Variants in GPKOW observed in about 807,000 individuals in gnomAD.
GPKOW encodes G-patch domain and KOW motifs.
For synonymous variants in GPKOW, 167 were observed against 159.1 expected (o/e 1.05, Z -0.37); for missense variants, 359 against 404.7 (o/e 0.89, Z 0.97).
chrX:49,119,562 T>A, intron 4 of GPKOW, 143 bp downstream of exon 4: 1 of 423,611 alleles, frequency 2.4e-6, no homozygotes, highest in Admixed American at 4.6e-5. Context: ...TTTAAAACAG[T>A]AGTGGAAGGG....
At chrX:49,114,303 C>A (rs988058398) in intron 9 of GPKOW, among the ~76,000 whole-genome samples, 2 of 109,808 alleles carry the variant, frequency 1.8e-5, no homozygotes, top group African/African-American at 6.6e-5. Flanking sequence ...CTGCGTTTGG[C>A]TAATTTTGTA....
chrX:49,115,929 C>T lies in GPKOW; in HGVS notation c.1102G>A (p.Asp368Asn). The change falls in exon 8 of 11, where the codon GAC becomes AAC. Residue 368 changes from aspartate to asparagine, a missense_variant. By Grantham distance (23) the Asp-to-Asn change is conservative. Coordinates refer to ENST00000156109, the MANE Select transcript of GPKOW (RefSeq NM_015698.6). Reference sequence around the variant, plus strand: ...TATTGGCCTCCTTTGTACATGTTGTCCACAAACCGCACACGCAGGTCCCTG... The same window carrying T: ...TATTGGCCTCCTTTGTACATGTTGTTCACAAACCGCACACGCAGGTCCCTG... ...LHRDLRVRFV[D>N]NMYKGGQYYN... The T allele has an allele frequency of 8.3e-7, 1 of 1,210,647 alleles. No homozygotes were observed.
At chrX:49,121,600 G>A (rs1404771984) in intron 3 of GPKOW, among the ~76,000 whole-genome samples, 2 of 110,643 alleles carry the variant, frequency 1.8e-5, no homozygotes, top group African/African-American at 6.6e-5. Flanking sequence ...TCAGGTCTGT[G>A]GGTATGAAAG....
intron 4 of GPKOW, among the ~76,000 whole-genome samples, chrX:49,118,724 C>G: frequency 1.5e-5 from 1 of 65,745 alleles, no homozygotes; most frequent in Non-Finnish European, 2.5e-5. Flanking sequence ...GGGTGACAGA[C>G]AGAGACTCCA....
chrX:49,114,017 G>T, intron 9 of GPKOW, 79 bp from the exon 10 acceptor site: 1 of 676,914 alleles, frequency 1.5e-6, no homozygotes, highest in East Asian at 3.2e-5. Context: ...GCCTTTCCTG[G>T]CCAGGCGTGG....
In GPKOW at chrX:49,123,609, G is replaced by A. The variant is rs2065221203; in HGVS notation, c.114C>T (p.Gly38=). The change falls in exon 1 of 11, where the codon GGC becomes GGT. Residue 38 remains glycine (G), a synonymous_variant. Coordinates refer to ENST00000156109, the MANE Select transcript of GPKOW (RefSeq NM_015698.6). ...ARRRLADSGD[G]AGPSPEEKDF... Reference sequence around the variant, plus strand: ...CCTTCTCCTCCGGAGATGGCCCCGCGCCGTCTCCCGAGTCGGCCAGCCGCC... The same window carrying A: ...CCTTCTCCTCCGGAGATGGCCCCGCACCGTCTCCCGAGTCGGCCAGCCGCC... The A allele has an allele frequency of 2.5e-6, 3 of 1,208,734 alleles. No individual in the cohort carries two copies. Among genetic ancestry groups the A allele is most frequent in the Non-Finnish European group, 3.4e-6 (3 of 893,938 alleles).
At position 49,113,829 on chromosome X, in the gene GPKOW, T is replaced by C. The variant is rs943812019; in HGVS notation, c.1296+24A>G. ...ACAGGCCCTGAACGACCCACAAACC[T>C]CTACTGCCAGGTCTGAGACTCACCC... On this transcript the variant is annotated intron_variant, in intron 10 of 10. Coordinates refer to ENST00000156109, the MANE Select transcript of GPKOW (RefSeq NM_015698.6). 5.8e-6 allele frequency: 7 copies of C among 1,198,755 alleles called. No individual in the cohort carries two copies. The Admixed American group carries it at 1.1e-4, about 19-fold the overall frequency.
At chrX:49,116,169 G>A in intron 7 of GPKOW, 52 bp downstream of exon 7, 1 of 1,096,167 alleles carries the variant, frequency 9.1e-7, no homozygotes. Context: ...GGCTGCTCGA[G>A]CCTACCCACA....
chrX:49,118,377 C>G (rs1487108388), intron 4 of GPKOW, among the ~76,000 whole-genome samples: 2 of 111,400 alleles, frequency 1.8e-5, no homozygotes, highest in Non-Finnish European at 3.8e-5. Flanking sequence ...ATCGCTGTAA[C>G]CAAATATACT....
chrX:49,115,881 G>A lies in GPKOW; in HGVS notation c.1140+10C>T. 1 of 1,210,795 alleles carries A rather than the reference G, an allele frequency of 8.3e-7. No homozygotes were observed. Among genetic ancestry groups the A allele is most frequent in the African/African-American group, 1.7e-5 (1 of 57,895 alleles). ...GAGAGGGAGGGGGACTCAGGCTGCA[G>A]GGTTCCCACCTTGGTGTTGTAATAT... On this transcript the variant is annotated intron_variant, in intron 8 of 10. Coordinates refer to ENST00000156109, the MANE Select transcript of GPKOW (RefSeq NM_015698.6).
chrX:49,122,572 C>A (rs2065217373), intron 2 of GPKOW, 50 bp from the exon 3 acceptor site: 2 of 1,202,564 alleles, frequency 1.7e-6, no homozygotes, highest in Non-Finnish European at 2.3e-6. Context: ...ATCCTTCCAC[C>A]TTCTTCCTCT....
In GPKOW at chrX:49,116,373, G is replaced by A. The variant is rs781964874; in HGVS notation, c.914-50C>T. Reference sequence around the variant, plus strand: ...TGGCCTGTTCAAGAGGTTATGAGGAGAACCAGGACAGAGCCTCAGTGTCTC... The same window carrying A: ...TGGCCTGTTCAAGAGGTTATGAGGAAAACCAGGACAGAGCCTCAGTGTCTC... On this transcript the variant is annotated intron_variant, in intron 6 of 10. Transcript: ENST00000156109. 12 of 819,963 alleles carry A rather than the reference G, an allele frequency of 1.5e-5. No individual in the cohort carries two copies. The East Asian group carries it at 3.8e-4, about 26-fold the overall frequency. 67.6% of individuals were successfully genotyped at this position (819,963 alleles called of 1,213,427 possible).
rs1602562420 is a variant in GPKOW at position 49,116,242 on chromosome X, T to C, written c.995A>G (p.Lys332Arg). The C allele has an allele frequency of 8.3e-7, 1 of 1,200,235 alleles. No homozygotes were observed. Among genetic ancestry groups the C allele is most frequent in the Admixed American group, 2.2e-5 (1 of 45,638 alleles). ...LYIQQDNSER[K>R]RKHLPDRQDG... ...CCACCGGTCTGGAAGGTGTTTCCGC[T>C]TCCTCTCTGAGTTGTCCTGCTGGAT... The change falls in exon 7 of 11, where the codon AAG becomes AGG. Residue 332 changes from lysine to arginine, a missense_variant. By Grantham distance (26) the Lys-to-Arg change is conservative (BLOSUM62 2). Transcript: ENST00000156109.
At chrX:49,120,295 A>G (rs1488702501) in intron 3 of GPKOW, among the ~76,000 whole-genome samples, 1 of 112,079 alleles carries the variant, frequency 8.9e-6, no homozygotes, top group Admixed American at 9.6e-5. Flanking sequence ...AGCTGAAAGC[A>G]TAGTAACAGC....
intron 7 of GPKOW, 30 bp downstream of exon 7, chrX:49,116,191 T>C: frequency 1.8e-6 from 2 of 1,127,020 alleles, no homozygotes; most frequent in Non-Finnish European, 2.4e-6. Context: ...CCCTGCCTTC[T>C]TGACCCCTCC....
In GPKOW at chrX:49,119,648, G is replaced by A. The variant is rs1223051686; in HGVS notation, c.566+57C>T. The A allele has an allele frequency of 8.3e-6, 6 of 719,226 alleles. No homozygotes were observed. The African/African-American group carries it at 1.2e-4, about 15-fold the overall frequency. 59.3% of individuals were successfully genotyped at this position (719,226 alleles called of 1,213,427 possible). ...GTTCTGGTTTGGCAGTGACCCTGGG[G>A]ATCTTGATTGCAGCCTGATGATCTG... On this transcript the variant is annotated intron_variant, in intron 4 of 10. Coordinates refer to ENST00000156109, the MANE Select transcript of GPKOW (RefSeq NM_015698.6).
rs1356407719 is a variant in GPKOW, at chrX:49,122,483, A to G, written c.371T>C (p.Val124Ala). 1 of 1,202,473 alleles carries G rather than the reference A, an allele frequency of 8.3e-7. No individual in the cohort carries two copies. Among genetic ancestry groups the G allele is most frequent in the East Asian group, 3.0e-5 (1 of 33,726 alleles). ...KSLEERENAG[V>A]DPTLAIPMIQ... ...CATGGGGATAGCGAGCGTGGGGTCGACACCCGCATTCTCTCTCTCTTCCAG... is the reference window on the plus strand; with the variant it reads ...CATGGGGATAGCGAGCGTGGGGTCGGCACCCGCATTCTCTCTCTCTTCCAG... The change falls in exon 3 of 11, where the codon GTC (valine) becomes GCC (alanine). Residue 124 changes from valine (V) to alanine (A), a missense_variant. Coordinates refer to ENST00000156109, the MANE Select transcript of GPKOW (RefSeq NM_015698.6).
intron 4 of GPKOW, among the ~76,000 whole-genome samples, chrX:49,118,156 G>C (rs2065200695): frequency 9.1e-6 from 1 of 109,544 alleles, no homozygotes; most frequent in African/African-American, 3.3e-5. Flanking sequence ...CCTGACCTCA[G>C]GTGATCCGTC....
In GPKOW at chrX:49,122,382, C is replaced by A; in HGVS notation, c.456+16G>T. 8.9e-7 allele frequency: 1 copy of A among 1,127,513 alleles called. No homozygotes were observed. Among genetic ancestry groups the A allele is most frequent in the Non-Finnish European group, 1.2e-6 (1 of 853,640 alleles). 92.9% of individuals were successfully genotyped at this position (1,127,513 alleles called of 1,213,427 possible). On this transcript the variant is annotated intron_variant, in intron 3 of 10. Coordinates refer to ENST00000156109, the MANE Select transcript of GPKOW (RefSeq NM_015698.6). ...AAGAAAGGCTGGGGCAGGAGGGGGA[C>A]AAGGGGCCAGCTCACTGTCTCTGCC...
Sources: allele counts gnomAD v4.1 joint callset (sites outside exome capture counted in the v4.1 genomes callset), GRCh38; gene constraint gnomAD v4.1.1; transcripts MANE v1.5; gene names NCBI Gene and HGNC (gene_info 2026-07-23, HGNC 2026-07-21).